SGCZ: variants seen among roughly 807,000 people sequenced by gnomAD.
SGCZ encodes sarcoglycan zeta.
SGCZ carries 40 observed loss-of-function variants against 41.3 expected under a neutral mutation model. The ratio of observed to expected loss-of-function variants is 0.97; its 90% CI spans 0.75 to 1.26. SGCZ has a LOEUF of 1.26. SGCZ is among the 50% of genes most tolerant of loss of function. SGCZ has a pLI of 0.00. For missense variants in SGCZ, 552 were observed against 369.8 expected, an observed-to-expected ratio of 1.49 and a Z score of -4.04; for synonymous variants, 206 against 137.5, an observed-to-expected ratio of 1.50 and a Z score of -3.49.
At chr8:14,282,682 C>T (rs1340821045) in intron 3 of SGCZ, among the ~76,000 whole-genome samples, 1 of 151,990 alleles carries the variant, frequency 6.6e-6, no homozygotes, top group African/African-American at 2.4e-5. Flanking sequence ...GTTGCCTGAT[C>T]CTTCCATTTC....
chr8:14,590,761 T>C (rs1473814945), intron 1 of SGCZ, among the ~76,000 whole-genome samples: 1 of 148,098 alleles, frequency 6.8e-6, no homozygotes, highest in Admixed American at 6.8e-5. Context: ...TGTCATAGTA[T>C]ATACTATATA....
intron 1 of SGCZ, among the ~76,000 whole-genome samples, chr8:14,888,469 G>C (rs1222412631): frequency 2.0e-5 from 3 of 152,150 alleles, no homozygotes; most frequent in African/African-American, 4.8e-5. Flanking sequence ...AGGAAAAGAA[G>C]TGAAAGAATA....
intron 2 of SGCZ, among the ~76,000 whole-genome samples, chr8:14,529,763 C>CTT (rs1174789841): frequency 3.3e-5 from 5 of 152,094 alleles, no homozygotes; most frequent in Non-Finnish European, 7.4e-5. Context: ...CCTTAAAATG[C>CTT]TTCTCTGGAG....
chr8:14,617,001 T>C (rs915371601), intron 1 of SGCZ, among the ~76,000 whole-genome samples: 1 of 152,036 alleles, frequency 6.6e-6, no homozygotes, highest in Non-Finnish European at 1.5e-5. Flanking sequence ...TATAATTTGA[T>C]GTATTTGTAG....
chr8:14,699,612 T>G (rs547013931), intron 1 of SGCZ, among the ~76,000 whole-genome samples: 1 of 151,754 alleles, frequency 6.6e-6, no homozygotes, highest in Non-Finnish European at 1.5e-5. Context: ...AAAAACAGAT[T>G]TGTGGGACCA....
At chr8:15,083,085 A>C (rs1805814720) in intron 1 of SGCZ, among the ~76,000 whole-genome samples, 1 of 152,194 alleles carries the variant, frequency 6.6e-6, no homozygotes, top group Admixed American at 6.5e-5. Context: ...TGAAATATCT[A>C]CCAGTACAAG....
chr8:14,584,440 A>C (rs2117267836), intron 1 of SGCZ, among the ~76,000 whole-genome samples: 1 of 152,236 alleles, frequency 6.6e-6, no homozygotes, highest in South Asian at 2.1e-4. Flanking sequence ...TAAATAATGC[A>C]TGTTTAACAG....
At chr8:14,213,362 T>A (rs988579027) in intron 4 of SGCZ, among the ~76,000 whole-genome samples, 3 of 152,038 alleles carry the variant, frequency 2.0e-5, no homozygotes, top group South Asian at 2.1e-4. Flanking sequence ...CAATTTTTCA[T>A]CAGAAACCAT....
intron 1 of SGCZ, among the ~76,000 whole-genome samples, chr8:14,714,024 A>G (rs1038763587): frequency 6.6e-5 from 10 of 151,952 alleles, no homozygotes; most frequent in Non-Finnish European, 1.2e-4. Flanking sequence ...CTGGAGTGCA[A>G]TGGTGCGATC....
intron 1 of SGCZ, among the ~76,000 whole-genome samples, chr8:14,801,838 G>A (rs951111720): frequency 1.4e-5 from 1 of 71,486 alleles, no homozygotes; most frequent in Non-Finnish European, 4.1e-5. Context: ...TATACAAGAG[G>A]ATGGTTAGAA....
At chr8:15,086,183 T>G (rs1371676381) in intron 1 of SGCZ, among the ~76,000 whole-genome samples, 1 of 152,174 alleles carries the variant, frequency 6.6e-6, no homozygotes, top group Non-Finnish European at 1.5e-5. Flanking sequence ...AATATTAAAA[T>G]TCTAGGGTAA....
intron 1 of SGCZ, among the ~76,000 whole-genome samples, chr8:15,203,181 C>T (rs764854972): frequency 3.9e-5 from 6 of 152,070 alleles, no homozygotes; most frequent in Non-Finnish European, 8.8e-5. Context: ...TTATATTCTG[C>T]CTCGGTATCT....
At chr8:14,504,261 A>G (rs1213770331) in intron 2 of SGCZ, among the ~76,000 whole-genome samples, 1 of 152,190 alleles carries the variant, frequency 6.6e-6, no homozygotes, top group East Asian at 1.9e-4. Flanking sequence ...TTAAAGTATA[A>G]AAGATTTTAA....
chr8:14,531,509 G>A (rs1247260379), intron 2 of SGCZ, among the ~76,000 whole-genome samples: 1 of 151,764 alleles, frequency 6.6e-6, no homozygotes, highest in Admixed American at 6.6e-5. Context: ...AAACTGCAAG[G>A]GTGGAAAAGC....
intron 1 of SGCZ, among the ~76,000 whole-genome samples, chr8:14,629,340 G>C (rs1354297463): frequency 1.4e-5 from 2 of 144,972 alleles, no homozygotes; most frequent in Non-Finnish European, 1.5e-5. Context: ...GTGACTAGTA[G>C]GTAAGATTAA....
chr8:14,953,549 G>A (rs948643304), intron 1 of SGCZ, among the ~76,000 whole-genome samples: 4 of 152,258 alleles, frequency 2.6e-5, no homozygotes, highest in South Asian at 4.1e-4. Flanking sequence ...TAGCACTGCC[G>A]TAGCCATGGA....
intron 1 of SGCZ, among the ~76,000 whole-genome samples, chr8:14,970,766 A>G (rs956417987): frequency 6.6e-6 from 1 of 152,052 alleles, no homozygotes; most frequent in Non-Finnish European, 1.5e-5. Flanking sequence ...TTTTCAATGT[A>G]ATTTTTGCTA....
chr8:14,622,169 T>C (rs754348908), intron 1 of SGCZ, among the ~76,000 whole-genome samples: 3 of 152,154 alleles, frequency 2.0e-5, no homozygotes, highest in Non-Finnish European at 4.4e-5. Flanking sequence ...GTAACTTACA[T>C]TGATTAATTG....
intron 2 of SGCZ, among the ~76,000 whole-genome samples, chr8:14,411,337 T>C (rs1418475148): frequency 2.6e-5 from 4 of 152,162 alleles, no homozygotes; most frequent in Non-Finnish European, 5.9e-5. Context: ...AACCATTGTT[T>C]TTAGTCATCA....
Sources: gnomAD v4.1 joint callset for allele counts (sites outside exome capture counted in the v4.1 genomes callset) on GRCh38, gnomAD v4.1.1 for gene constraint, MANE v1.5 for transcripts, NCBI Gene and HGNC (gene_info 2026-07-23, HGNC 2026-07-21) for gene names.